Variants in RBM25 observed in about 807,000 individuals in gnomAD.
The protein encoded by RBM25 is RNA-binding protein 25.
A neutral mutation model predicts 120.7 loss-of-function variants in RBM25; 19 were observed. The ratio of observed to expected loss-of-function variants is 0.16; its 90% confidence interval spans 0.11 to 0.23. The LOEUF is 0.23. Ranked by LOEUF, RBM25 falls within the 10% of genes least tolerant of loss-of-function variation. The pLI is 1.00. For synonymous variants in RBM25, 390 were observed against 326.7 expected, an observed-to-expected ratio of 1.19 and a Z score of -2.09; for missense variants, 605 against 1,041.5, an observed-to-expected ratio of 0.58 and a Z score of 5.77.
chr14:73,075,662 G>A (rs1040422468), intron 2 of RBM25, among the ~76,000 whole-genome samples: 2 of 152,140 alleles, frequency 1.3e-5, no homozygotes, highest in African/African-American at 2.4e-5. Flanking sequence ...AACACTTGGT[G>A]TATTACTTTA....
intron 12 of RBM25, among the ~76,000 whole-genome samples, chr14:73,106,942 C>T (rs776430190): frequency 2.0e-5 from 3 of 151,556 alleles, no homozygotes; most frequent in South Asian, 4.2e-4. Context: ...AAGCGATAAG[C>T]GATTCTCCTG....
chr14:73,103,027 T>C, intron 9 of RBM25, 165 bp from the exon 10 acceptor site: 3 of 1,404,214 alleles, frequency 2.1e-6, no homozygotes, highest in Non-Finnish European at 2.9e-6. Context: ...ATCTTTCTAG[T>C]CTTGTGATTG....
rs556046193 is a variant in RBM25, at chr14:73,115,996, G to A, written c.2439+1663G>A. On this transcript the variant is annotated intron_variant, in intron 18 of 18. Coordinates refer to ENST00000261973, the MANE Select transcript of RBM25 (RefSeq NM_021239.3). ...GCCAGAGCACTCATTTAAGTGGGGG[G>A]AAAGACTAGATACTTGCCAGATAGC... Among the ~76,000 whole-genome samples the A allele has an allele frequency of 6.6e-5, 10 of 152,222 alleles. No individual in the cohort carries two copies. The East Asian group carries it at 1.9e-3, about 29-fold the overall frequency.
At chr14:73,105,038 T>TACACACACACACACACACACAC (rs57281649) in intron 10 of RBM25, among the ~76,000 whole-genome samples, 3,821 of 141,052 alleles carry the variant, frequency 0.027, 67 homozygotes, top group South Asian at 0.044. Context: ...ACATATTAAA[T>TACACACACACACACACACACAC]ACACACACAC....
At position 73,103,891 on chromosome 14, in the gene RBM25, CTGTCTGTCTGTCTG is replaced by C. The variant is rs1407406525; in HGVS notation, c.1154+415_1154+428del. Among the ~76,000 whole-genome samples, 606 of 99,122 alleles carry C rather than the reference CTGTCTGTCTGTCTG, an allele frequency of 6.1e-3. 5 individuals are homozygous for C. The highest frequency in any genetic ancestry group is 0.029 in the African/African-American group (576 of 19,578). The allele number at this position is 99,122 out of a possible 152,430, so 65.0% of individuals were successfully genotyped here. ...TAGAGACAACATGGTCTTTGTCTGT[CTGTCTGTCTGTCTG>C]TCTCTCTCTCTCTCTCTCTCTCTCT... On this transcript the variant is annotated intron_variant, in intron 10 of 18. Coordinates refer to ENST00000261973, the MANE Select transcript of RBM25 (RefSeq NM_021239.3).
At chr14:73,059,044 G>A (rs1424932621) in intron 1 of RBM25, among the ~76,000 whole-genome samples, 1 of 152,030 alleles carries the variant, frequency 6.6e-6, no homozygotes, top group African/African-American at 2.4e-5. Context: ...CAAAACGATC[G>A]ATCTGCCCCA....
chr14:73,111,842 G>A, intron 16 of RBM25, 40 bp downstream of exon 16: 1 of 1,525,292 alleles, frequency 6.6e-7, no homozygotes, highest in South Asian at 1.3e-5. Context: ...ATTGGGAACA[G>A]TTGGAATATG....
chr14:73,117,063 AC>A (rs1469403401), intron 18 of RBM25, among the ~76,000 whole-genome samples: 2 of 152,112 alleles, frequency 1.3e-5, no homozygotes, highest in African/African-American at 4.8e-5. Flanking sequence ...CTGAAGTGTG[AC>A]TCAGATGTGA....
chr14:73,063,274 C>G (rs914584054), intron 1 of RBM25, among the ~76,000 whole-genome samples: 1 of 151,072 alleles, frequency 6.6e-6, no homozygotes, highest in Admixed American at 6.6e-5. Context: ...CTCAGCCTCC[C>G]GAGTAGCTGG....
chr14:73,078,504 T>C (rs1359391542), intron 4 of RBM25, among the ~76,000 whole-genome samples: 1 of 152,066 alleles, frequency 6.6e-6, no homozygotes, highest in Non-Finnish European at 1.5e-5. Flanking sequence ...TATATAAAAT[T>C]GATATAATAT....
At chr14:73,084,045 G>A (rs548160573) in intron 5 of RBM25, among the ~76,000 whole-genome samples, 2 of 151,930 alleles carry the variant, frequency 1.3e-5, no homozygotes, top group South Asian at 4.2e-4. Context: ...TTACAGGTGT[G>A]CGCCACCATG....
At chr14:73,069,418 A>C (rs1895221557) in intron 1 of RBM25, among the ~76,000 whole-genome samples, 1 of 152,158 alleles carries the variant, frequency 6.6e-6, no homozygotes, top group African/African-American at 2.4e-5. Context: ...TCTGTAAAAC[A>C]TGAAAGACAA....
At chr14:73,084,264 A>G (rs952551212) in intron 5 of RBM25, among the ~76,000 whole-genome samples, 12 of 152,170 alleles carry the variant, frequency 7.9e-5, no homozygotes, top group African/African-American at 2.7e-4. Flanking sequence ...CATTGCAACT[A>G]GTTGGCAATT....
At chr14:73,087,594 A>T (rs373097951) in intron 5 of RBM25, among the ~76,000 whole-genome samples, 1 of 151,310 alleles carries the variant, frequency 6.6e-6, no homozygotes. Context: ...ACGGGGTTTC[A>T]CTGTGTTGGC....
chr14:73,099,169 G>C (rs1015076993), intron 7 of RBM25, among the ~76,000 whole-genome samples: 3 of 152,158 alleles, frequency 2.0e-5, no homozygotes, highest in African/African-American at 7.2e-5. Context: ...TTTCTTGGGG[G>C]TGTTGGAGTA....
chr14:73,109,598 C>T, intron 14 of RBM25, 106 bp downstream of exon 14: 1 of 1,064,324 alleles, frequency 9.4e-7, no homozygotes, highest in Non-Finnish European at 1.4e-6. Flanking sequence ...TCGAGATCAT[C>T]CTGGCTAACA....
At position 73,103,484 on chromosome 14, in the gene RBM25, G is replaced by C. The variant is rs768311319; in HGVS notation, c.1154+6G>C. On this transcript the variant is annotated splice_donor_region_variant and intron_variant, in intron 10 of 18. Transcript: ENST00000261973. ...AAGGATCGCAGTCGATCAAGGTAAG[G>C]CTTTACAGAAGTTACTGTTTCCTGA... 7 of 1,566,606 alleles carry C rather than the reference G, an allele frequency of 4.5e-6. No homozygotes were observed. The highest frequency in any genetic ancestry group is 1.7e-4 in the Middle Eastern group (1 of 5,834).
intron 5 of RBM25, 138 bp downstream of exon 5, chr14:73,083,689 A>G (rs1023773641): frequency 7.5e-5 from 40 of 535,210 alleles, no homozygotes; most frequent in African/African-American, 6.3e-4. Flanking sequence ...TTTTTATTGA[A>G]ATAGGGTTAA....
chr14:73,104,886 C>G (rs995627072), intron 10 of RBM25, among the ~76,000 whole-genome samples: 7 of 152,016 alleles, frequency 4.6e-5, no homozygotes, highest in Admixed American at 1.3e-4. Flanking sequence ...AACTGGAAAC[C>G]CAGAGCTCTC....
Sources: allele counts gnomAD v4.1 joint callset (sites outside exome capture counted in the v4.1 genomes callset), GRCh38; gene constraint gnomAD v4.1.1; transcripts MANE v1.5; gene names NCBI Gene and HGNC (gene_info 2026-07-23, HGNC 2026-07-21).